Variants in RORA observed in about 807,000 individuals in gnomAD.
The protein encoded by RORA is RAR related orphan receptor A, also known as nuclear receptor ROR-alpha.
Under a neutral mutation model 69.5 loss-of-function variants are expected in RORA, and 7 were observed. That is an observed-to-expected ratio of 0.10 (90% CI 0.06 to 0.19). The LOEUF (loss-of-function observed/expected upper bound fraction) is 0.19. Among genes scored for constraint, RORA ranks in the 10% least tolerant of loss-of-function variants. The pLI is 1.00. For synonymous variants in RORA, 261 were observed against 240.8 expected (o/e 1.08, Z -0.78); for missense variants, 457 against 663.0 (o/e 0.69, Z 3.41).
At chr15:60,545,886 G>T (rs1380364285) in intron 2 of RORA, among the ~76,000 whole-genome samples, 1 of 152,168 alleles carries the variant, frequency 6.6e-6, no homozygotes, top group Non-Finnish European at 1.5e-5. Context: ...AATAGTGATA[G>T]AATTCATTTT....
chr15:60,908,329 C>T (rs1228065764), intron 1 of RORA, among the ~76,000 whole-genome samples: 1 of 152,166 alleles, frequency 6.6e-6, no homozygotes, highest in East Asian at 1.9e-4. Flanking sequence ...TCTGAATGAA[C>T]TGAGAGAAAC....
At chr15:61,043,870 G>A (rs1011978228) in intron 1 of RORA, among the ~76,000 whole-genome samples, 1 of 152,106 alleles carries the variant, frequency 6.6e-6, no homozygotes, top group Non-Finnish European at 1.5e-5. Context: ...GCACTGTGTA[G>A]CCTGCTCTTG....
rs1340755279 is a variant in RORA at position 60,516,135 on chromosome 15, AT to A, written c.283-1379del. 1.4e-4 allele frequency among the ~76,000 whole-genome samples: 9 copies of A among 66,558 alleles called. 1 individual carries two copies. The highest frequency in any genetic ancestry group is 2.2e-4 in the Non-Finnish European group (8 of 37,058). The allele number at this position is 66,558 out of a possible 152,430, so 43.7% of individuals were successfully genotyped here. On this transcript the variant is annotated intron_variant, in intron 3 of 10. Coordinates refer to ENST00000335670, the MANE Select transcript of RORA (RefSeq NM_134261.3). ...ATATTATATATATTATATTAAATAT[AT>A]TTATATATATTTATATATATATATT...
At chr15:61,184,642 G>C (rs908277843) in intron 1 of RORA, among the ~76,000 whole-genome samples, 1 of 152,194 alleles carries the variant, frequency 6.6e-6, no homozygotes, top group East Asian at 1.9e-4. Context: ...GGGAGTACTT[G>C]GCATACAGTC....
At chr15:60,598,018 C>T (rs1222998047) in intron 2 of RORA, among the ~76,000 whole-genome samples, 1 of 152,042 alleles carries the variant, frequency 6.6e-6, no homozygotes, top group Non-Finnish European at 1.5e-5. Flanking sequence ...ACCTACATCC[C>T]ACTCACTAGC....
intron 1 of RORA, among the ~76,000 whole-genome samples, chr15:60,902,663 T>C (rs770770231): frequency 1.3e-5 from 2 of 152,226 alleles, no homozygotes; most frequent in African/African-American, 2.4e-5. Flanking sequence ...CAGAAGACAA[T>C]GCTGGTCAAT....
chr15:60,762,243 T>C (rs1179250854), intron 1 of RORA, among the ~76,000 whole-genome samples: 1 of 152,190 alleles, frequency 6.6e-6, no homozygotes, highest in Non-Finnish European at 1.5e-5. Flanking sequence ...AAAGTACTAT[T>C]AAACTAAAAC....
At chr15:60,973,399 C>G (rs1224279257) in intron 1 of RORA, among the ~76,000 whole-genome samples, 1 of 152,162 alleles carries the variant, frequency 6.6e-6, no homozygotes, top group South Asian at 2.1e-4. Flanking sequence ...TTCCTGCCAC[C>G]TACCCAATTT....
intron 1 of RORA, among the ~76,000 whole-genome samples, chr15:60,727,565 A>G (rs2071376304): frequency 6.6e-6 from 1 of 152,178 alleles, no homozygotes; most frequent in African/African-American, 2.4e-5. Context: ...GATCAGAACA[A>G]GGAAAGAATG....
intron 2 of RORA, among the ~76,000 whole-genome samples, chr15:60,545,338 AATT>A (rs1251269896): frequency 6.6e-6 from 1 of 152,154 alleles, no homozygotes; most frequent in African/African-American, 2.4e-5. Context: ...ACTTATGAGG[AATT>A]ATTATTCATT....
chr15:60,886,223 T>C (rs1300798232), intron 1 of RORA, among the ~76,000 whole-genome samples: 9 of 152,130 alleles, frequency 5.9e-5, no homozygotes, highest in Admixed American at 5.2e-4. Context: ...ACCCATAATA[T>C]GAACATTAAA....
At chr15:60,838,176 T>C (rs899265943) in intron 1 of RORA, among the ~76,000 whole-genome samples, 64 of 152,212 alleles carry the variant, frequency 4.2e-4, no homozygotes, top group African/African-American at 1.5e-3. Context: ...CTCTATCCTA[T>C]TGTTTCTGCC....
chr15:60,946,023 A>G (rs970182960), intron 1 of RORA, among the ~76,000 whole-genome samples: 1 of 152,170 alleles, frequency 6.6e-6, no homozygotes, highest in Middle Eastern at 3.2e-3. Context: ...CAGGTGGGTT[A>G]TATGCAGGAG....
intron 2 of RORA, among the ~76,000 whole-genome samples, chr15:60,606,910 C>T (rs1217230043): frequency 6.6e-6 from 1 of 152,286 alleles, no homozygotes; most frequent in Non-Finnish European, 1.5e-5. Flanking sequence ...AGAGATACCA[C>T]TAAAACTCCA....
At chr15:60,572,603 G>A (rs2067915154) in intron 2 of RORA, among the ~76,000 whole-genome samples, 1 of 152,044 alleles carries the variant, frequency 6.6e-6, no homozygotes, top group African/African-American at 2.4e-5. Context: ...TTAGGAAGAA[G>A]CGCTTATTGA....
At chr15:60,819,543 C>G (rs985840417) in intron 1 of RORA, among the ~76,000 whole-genome samples, 6 of 152,150 alleles carry the variant, frequency 3.9e-5, no homozygotes, top group African/African-American at 1.4e-4. Context: ...AAGTTTCTTA[C>G]AGGCTTCTGT....
At chr15:60,643,164 C>G (rs1006126367) in intron 2 of RORA, among the ~76,000 whole-genome samples, 8 of 152,112 alleles carry the variant, frequency 5.3e-5, no homozygotes, top group Non-Finnish European at 1.2e-4. Context: ...GGTCTCAAAA[C>G]AAATACATAC....
At chr15:60,669,563 A>C (rs1056609240) in intron 2 of RORA, among the ~76,000 whole-genome samples, 3 of 152,096 alleles carry the variant, frequency 2.0e-5, no homozygotes, top group Non-Finnish European at 2.9e-5. Flanking sequence ...GTGGCTCCAC[A>C]TTGGTTATGA....
At chr15:60,914,398 A>C (rs1004679600) in intron 1 of RORA, among the ~76,000 whole-genome samples, 1 of 152,032 alleles carries the variant, frequency 6.6e-6, no homozygotes, top group African/African-American at 2.4e-5. Context: ...CCAGGCAGCC[A>C]CTCCTCCTTA....
Sources: allele counts gnomAD v4.1 joint callset (sites outside exome capture counted in the v4.1 genomes callset), GRCh38; gene constraint gnomAD v4.1.1; transcripts MANE v1.5; gene names NCBI Gene and HGNC (gene_info 2026-07-23, HGNC 2026-07-21).